The following NALF1 variants were observed in gnomAD, a reference collection of about 807,000 sequenced individuals.
NALF1 encodes the protein family with sequence similarity 155 member A.
In NALF1, 3 loss-of-function variants were observed where a neutral mutation model predicts 48.4. The observed-to-expected ratio is 0.06, with a 90% CI of 0.03 to 0.16. The LOEUF (loss-of-function observed/expected upper bound fraction) is 0.16, where lower values mean the gene tolerates loss of function less well. Among genes scored for constraint, NALF1 ranks in the 10% least tolerant of loss-of-function variants. The pLI is 1.00. For missense variants in NALF1, 526 were observed against 571.5 expected, an observed-to-expected ratio of 0.92 and a Z score of 0.81; for synonymous variants, 262 against 245.7, an observed-to-expected ratio of 1.07 and a Z score of -0.62.
intron 1 of NALF1, among the ~76,000 whole-genome samples, chr13:107,293,704 A>T (rs921310804): frequency 6.6e-6 from 1 of 152,146 alleles, no homozygotes; most frequent in Non-Finnish European, 1.5e-5. Flanking sequence ...AAAAACGGGG[A>T]ATTTTCTTGG....
At chr13:107,630,109 T>A (rs971132649) in intron 1 of NALF1, among the ~76,000 whole-genome samples, 1 of 152,194 alleles carries the variant, frequency 6.6e-6, no homozygotes, top group African/African-American at 2.4e-5. Flanking sequence ...ACTAAGCTTG[T>A]GAGAGTTATT....
At chr13:107,265,526 T>G (rs2138858003) in intron 1 of NALF1, among the ~76,000 whole-genome samples, 2 of 152,162 alleles carry the variant, frequency 1.3e-5, no homozygotes, top group Middle Eastern at 6.8e-3. Flanking sequence ...TTCAAGCAAT[T>G]TTCCTGTCTC....
intron 1 of NALF1, 73 bp from the exon 2 acceptor site, chr13:107,210,828 G>C: frequency 9.6e-7 from 1 of 1,037,140 alleles, no homozygotes; most frequent in Non-Finnish European, 1.5e-6. Flanking sequence ...TGTGAGAAGC[G>C]TGCAAGCGTG....
chr13:107,325,841 A>AAC lies in NALF1; in HGVS notation c.916-115088_916-115087dup, dbSNP rs149568387. Among the ~76,000 whole-genome samples, 37 of 77,730 alleles carry AAC rather than the reference A, an allele frequency of 4.8e-4. 1 individual carries two copies. Among genetic ancestry groups the AAC allele is most frequent in the Non-Finnish European group, 7.0e-4 (28 of 40,128 alleles). 51.0% of individuals were successfully genotyped at this position (77,730 alleles called of 152,430 possible). A position where few individuals can be genotyped will look rare whatever the true frequency, so the allele number is the denominator to read the frequency against. On this transcript the variant is annotated intron_variant, in intron 1 of 2. Coordinates refer to ENST00000375915, the MANE Select transcript of NALF1 (RefSeq NM_001080396.3). ...GGGCATGAGAGAGAAACTGTGTCTCAACACACACACACACATATATATATA... is the reference window on the plus strand; with the variant it reads ...GGGCATGAGAGAGAAACTGTGTCTCAACACACACACACACACATATATATATA...
intron 1 of NALF1, among the ~76,000 whole-genome samples, chr13:107,379,408 T>C (rs931879993): frequency 6.6e-6 from 1 of 152,216 alleles, no homozygotes; most frequent in African/African-American, 2.4e-5. Context: ...ATTTCTATGT[T>C]TCTACAAAGT....
Position 107,382,816 on chromosome 13 carries a change from T to G in NALF1, c.916-172061A>C, listed in dbSNP as rs957392294. Among the ~76,000 whole-genome samples the G allele has an allele frequency of 4.6e-5, 7 of 152,234 alleles. 1 individual carries two copies. Among genetic ancestry groups the G allele is most frequent in the Non-Finnish European group, 1.5e-5 (1 of 68,038 alleles). ...TGTTCAGTTCAATCTTTTTTCCCCC[T>G]GAACTCTTTTGCCCTTGTGTGATCC... On this transcript the variant is annotated intron_variant, in intron 1 of 2. Coordinates refer to ENST00000375915, the MANE Select transcript of NALF1 (RefSeq NM_001080396.3).
intron 1 of NALF1, among the ~76,000 whole-genome samples, chr13:107,776,463 G>A (rs1476059920): frequency 6.6e-6 from 1 of 152,166 alleles, no homozygotes; most frequent in Non-Finnish European, 1.5e-5. Flanking sequence ...ATAAAGAACA[G>A]GTCACAGATT....
intron 1 of NALF1, among the ~76,000 whole-genome samples, chr13:107,346,753 T>C (rs1229176785): frequency 6.6e-6 from 1 of 152,198 alleles, no homozygotes; most frequent in African/African-American, 2.4e-5. Flanking sequence ...AGTAAATTTA[T>C]GTTATTTGTT....
At chr13:107,852,463 T>C (rs1880344186) in intron 1 of NALF1, among the ~76,000 whole-genome samples, 1 of 152,260 alleles carries the variant, frequency 6.6e-6, no homozygotes, top group South Asian at 2.1e-4. Context: ...AACACTTGTG[T>C]GACAAAATGC....
At chr13:107,268,787 G>C (rs1260423512) in intron 1 of NALF1, among the ~76,000 whole-genome samples, 1 of 152,186 alleles carries the variant, frequency 6.6e-6, no homozygotes, top group African/African-American at 2.4e-5. Context: ...GAAGCAGTGT[G>C]TTTGGAGGCA....
intron 1 of NALF1, among the ~76,000 whole-genome samples, chr13:107,358,168 A>ATGTGTGTG (rs59782928): frequency 1.4e-5 from 2 of 144,012 alleles, no homozygotes; most frequent in South Asian, 2.2e-4. Context: ...TACGTAACAT[A>ATGTGTGTG]TGTGTGTGTG....
At chr13:107,742,140 T>C (rs1295311642) in intron 1 of NALF1, among the ~76,000 whole-genome samples, 2 of 152,308 alleles carry the variant, frequency 1.3e-5, no homozygotes, top group Non-Finnish European at 2.9e-5. Flanking sequence ...TCCAGTGCCT[T>C]AGCCTTTGGA....
intron 1 of NALF1, among the ~76,000 whole-genome samples, chr13:107,352,025 T>C (rs1882886207): frequency 1.3e-5 from 2 of 152,222 alleles, no homozygotes; most frequent in African/African-American, 4.8e-5. Flanking sequence ...CTGCACCTCA[T>C]AGTGAGCAAA....
At chr13:107,671,098 T>C (rs1322170782) in intron 1 of NALF1, among the ~76,000 whole-genome samples, 3 of 152,086 alleles carry the variant, frequency 2.0e-5, no homozygotes, top group African/African-American at 7.2e-5. Flanking sequence ...AGAACAAAAG[T>C]AAATAAAATT....
At chr13:107,614,259 G>A (rs985269605) in intron 1 of NALF1, among the ~76,000 whole-genome samples, 27 of 152,192 alleles carry the variant, frequency 1.8e-4, no homozygotes, top group South Asian at 6.2e-4. Context: ...TAATAACGCC[G>A]CCTTGTCTAA....
At position 107,325,907 on chromosome 13, in the gene NALF1, C is replaced by T. The variant is rs867621868; in HGVS notation, c.916-115152G>A. Among the ~76,000 whole-genome samples the T allele has an allele frequency of 2.4e-3, 313 of 128,320 alleles. 4 individuals carry two copies. The highest frequency in any genetic ancestry group is 8.0e-3 in the African/African-American group (277 of 34,784). The allele number at this position is 128,320 out of a possible 152,430, so 84.2% of individuals were successfully genotyped here. A position where few individuals can be genotyped will look rare whatever the true frequency, so the allele number is the denominator to read the frequency against. On this transcript the variant is annotated intron_variant, in intron 1 of 2. Transcript: ENST00000375915. ...ATATATACACACACACACACACACA[C>T]ATATATACATATATCACACATATAT...
intron 1 of NALF1, among the ~76,000 whole-genome samples, chr13:107,478,783 C>G (rs1483275849): frequency 1.3e-5 from 2 of 151,312 alleles, no homozygotes; most frequent in Non-Finnish European, 2.9e-5. Context: ...TTTTGATTTT[C>G]ACTAAAACCT....
intron 1 of NALF1, among the ~76,000 whole-genome samples, chr13:107,302,237 C>T (rs758870185): frequency 8.5e-5 from 13 of 152,304 alleles, no homozygotes; most frequent in South Asian, 2.1e-4. Context: ...TCCCACCAGA[C>T]GCAGTCCCTG....
intron 1 of NALF1, among the ~76,000 whole-genome samples, chr13:107,781,617 T>A (rs1442103340): frequency 6.6e-6 from 1 of 151,742 alleles, no homozygotes; most frequent in African/African-American, 2.4e-5. Flanking sequence ...TCAGCAACTC[T>A]CACTAAATGA....
Sources: allele counts gnomAD v4.1 joint callset (sites outside exome capture counted in the v4.1 genomes callset), GRCh38; gene constraint gnomAD v4.1.1; transcripts MANE v1.5; gene names NCBI Gene and HGNC (gene_info 2026-07-23, HGNC 2026-07-21).